PI4KA: variants seen among roughly 807,000 people sequenced by gnomAD.
PI4KA encodes the protein PI4-kinase alpha.
In PI4KA, 122 loss-of-function variants were observed where a neutral mutation model predicts 271.4. That is an observed-to-expected ratio of 0.45 (90% CI 0.39 to 0.52). The LOEUF (loss-of-function observed/expected upper bound fraction) is 0.52. PI4KA is among the 20% of genes least tolerant of loss of function. The pLI is 0.00. For synonymous variants in PI4KA, 1,041 were observed against 1,078.8 expected, an observed-to-expected ratio of 0.96 and a Z score of 0.69; for missense variants, 1,969 against 2,769.1, an observed-to-expected ratio of 0.71 and a Z score of 6.48.
At chr22:20,847,131 G>C (rs1454456671) in intron 1 of PI4KA, among the ~76,000 whole-genome samples, 2 of 146,096 alleles carry the variant, frequency 1.4e-5, no homozygotes, top group South Asian at 2.1e-4. Context: ...CTGGGCAACA[G>C]AGCAAGACTC....
At chr22:20,759,085 C>T (rs1487605446) in intron 23 of PI4KA, among the ~76,000 whole-genome samples, 4 of 152,136 alleles carry the variant, frequency 2.6e-5, no homozygotes, top group Admixed American at 6.6e-5. Flanking sequence ...GGTCTTGCTC[C>T]GTCACCTAGG....
intron 2 of PI4KA, 56 bp downstream of exon 2, chr22:20,838,559 A>G (rs1925165613): frequency 1.0e-6 from 1 of 953,370 alleles, no homozygotes; most frequent in Non-Finnish European, 1.7e-6. Context: ...ACAAACTTAA[A>G]CGCTCACTAC....
At chr22:20,755,746 G>C (rs1434078523) in intron 23 of PI4KA, among the ~76,000 whole-genome samples, 1 of 151,592 alleles carries the variant, frequency 6.6e-6, no homozygotes, top group Non-Finnish European at 1.5e-5. Flanking sequence ...AGGTTGCAGG[G>C]AGCTGAGATT....
At chr22:20,751,229 G>A (rs1014463836) in intron 27 of PI4KA, 64 bp downstream of exon 27, 11 of 1,335,510 alleles carry the variant, frequency 8.2e-6, no homozygotes, top group South Asian at 2.5e-5. Context: ...TGACCATCTC[G>A]TGGAAATACT....
intron 23 of PI4KA, among the ~76,000 whole-genome samples, chr22:20,754,540 G>C (rs1931063182): frequency 6.6e-6 from 1 of 152,240 alleles, no homozygotes; most frequent in African/African-American, 2.4e-5. Flanking sequence ...GTTATGCAGA[G>C]ATCATGTCTT....
At chr22:20,808,140 A>T (rs2147634751) in intron 9 of PI4KA, among the ~76,000 whole-genome samples, 1 of 152,014 alleles carries the variant, frequency 6.6e-6, no homozygotes, top group East Asian at 1.9e-4. Flanking sequence ...AAAATACAAA[A>T]TTAGCTGGGC....
chr22:20,712,166 TCCTG>T (rs1393249409), intron 50 of PI4KA, among the ~76,000 whole-genome samples: 2 of 151,938 alleles, frequency 1.3e-5, no homozygotes, highest in Non-Finnish European at 2.9e-5. Context: ...CAAGCGATTC[TCCTG>T]CCTCAGCCTC....
At chr22:20,796,402 G>A (rs559821487) in intron 17 of PI4KA, 88 bp from the exon 18 acceptor site, 11 of 1,294,966 alleles carry the variant, frequency 8.5e-6, no homozygotes, top group African/African-American at 4.4e-5. Context: ...CGAGCTGAGC[G>A]GGCCAGGCCC....
chr22:20,840,749 C>T (rs978993512), intron 1 of PI4KA, among the ~76,000 whole-genome samples: 2 of 151,954 alleles, frequency 1.3e-5, no homozygotes, highest in African/African-American at 2.4e-5. Flanking sequence ...AGGTGCAAGG[C>T]TCATGCCTGT....
At chr22:20,765,754 T>A in intron 19 of PI4KA, 61 bp from the exon 20 acceptor site, 1 of 1,104,792 alleles carries the variant, frequency 9.1e-7, no homozygotes, top group Non-Finnish European at 1.4e-6. Flanking sequence ...CTAAGCCCTG[T>A]AGGTGTAAAA....
intron 40 of PI4KA, 45 bp downstream of exon 40, chr22:20,727,729 T>C (rs1242799671): frequency 1.4e-6 from 2 of 1,443,710 alleles, no homozygotes; most frequent in African/African-American, 1.4e-5. Flanking sequence ...CAGTGTGCTA[T>C]TTTGTGCAGT....
intron 17 of PI4KA, among the ~76,000 whole-genome samples, chr22:20,797,833 C>T (rs1216607886): frequency 1.3e-5 from 2 of 152,150 alleles, no homozygotes; most frequent in Non-Finnish European, 2.9e-5. Context: ...AAGGGAGGAG[C>T]CCGGAGGTCA....
intron 19 of PI4KA, chr22:20,780,063 G>C: frequency 6.2e-7 from 1 of 1,614,120 alleles, no homozygotes; most frequent in East Asian, 2.2e-5. Context: ...GGCCCAGATA[G>C]CTGACTTCTC....
chr22:20,846,499 G>T (rs1173898533), intron 1 of PI4KA, among the ~76,000 whole-genome samples: 1 of 152,018 alleles, frequency 6.6e-6, no homozygotes, highest in Admixed American at 6.6e-5. Flanking sequence ...AACACACAGT[G>T]GGGGGAACAA....
intron 42 of PI4KA, chr22:20,726,167 G>A (rs1927321925): frequency 3.6e-6 from 1 of 277,570 alleles, no homozygotes; most frequent in Non-Finnish European, 6.7e-6. Flanking sequence ...ACTTCCGGCT[G>A]AAGAGGGCAG....
intron 20 of PI4KA, among the ~76,000 whole-genome samples, 162 bp from the exon 21 acceptor site, chr22:20,765,398 G>C (rs1453043026): frequency 6.6e-6 from 1 of 152,136 alleles, no homozygotes; most frequent in Non-Finnish European, 1.5e-5. Flanking sequence ...CTTTTCCTAA[G>C]GTGTATGGCA....
At chr22:20,787,130 C>G in intron 19 of PI4KA, 2 of 1,405,292 alleles carry the variant, frequency 1.4e-6, no homozygotes, top group Non-Finnish European at 2.0e-6. Flanking sequence ...ATTCCAACAA[C>G]GAGAACAGAG....
At chr22:20,801,681 C>T (rs949869840) in intron 14 of PI4KA, among the ~76,000 whole-genome samples, 1 of 151,564 alleles carries the variant, frequency 6.6e-6, no homozygotes, top group South Asian at 2.1e-4. Context: ...GTCAGGAGTT[C>T]GAGACCAGCC....
At chr22:20,729,092 C>T (rs1413487805) in intron 39 of PI4KA, among the ~76,000 whole-genome samples, 1 of 152,240 alleles carries the variant, frequency 6.6e-6, no homozygotes, top group Non-Finnish European at 1.5e-5. Flanking sequence ...CCAGCTGCTG[C>T]AGCACCCCAG....
Sources: gnomAD v4.1 joint callset for allele counts (sites outside exome capture counted in the v4.1 genomes callset) on GRCh38, gnomAD v4.1.1 for gene constraint, MANE v1.5 for transcripts, NCBI Gene and HGNC (gene_info 2026-07-23, HGNC 2026-07-21) for gene names.